PSD3: variants seen among roughly 807,000 people sequenced by gnomAD.
The protein encoded by PSD3 is pleckstrin and Sec7 domain containing 3, also known as PH and SEC7 domain-containing protein 3.
In PSD3, 49 loss-of-function variants were observed where a neutral mutation model predicts 105.5. The ratio of observed to expected loss-of-function variants is 0.46; its 90% confidence interval spans 0.37 to 0.59. PSD3 has a LOEUF of 0.59. Ranked by LOEUF, PSD3 falls within the 20% of genes least tolerant of loss-of-function variation. The pLI, the probability that PSD3 is intolerant of heterozygous loss-of-function variation, is 0.00. For synonymous variants in PSD3, 557 were observed against 457.8 expected, an observed-to-expected ratio of 1.22 and a Z score of -2.77; for missense variants, 1,561 against 1,263.8, an observed-to-expected ratio of 1.24 and a Z score of -3.57.
At chr8:18,908,826 A>T (rs1367744034) in intron 2 of PSD3, among the ~76,000 whole-genome samples, 1 of 152,228 alleles carries the variant, frequency 6.6e-6, no homozygotes, top group African/African-American at 2.4e-5. Flanking sequence ...TTATGTGCAG[A>T]AATTAGTTAA....
chr8:18,550,186 G>T (rs966886262), intron 15 of PSD3, among the ~76,000 whole-genome samples: 1 of 152,176 alleles, frequency 6.6e-6, no homozygotes, highest in African/African-American at 2.4e-5. Flanking sequence ...CACATGATTG[G>T]CTGCTTATTC....
In PSD3 at chr8:18,759,315, T is replaced by C. The variant is rs369742019; in HGVS notation, c.2172+6134A>G. 2.6e-5 allele frequency among the ~76,000 whole-genome samples: 4 copies of C among 152,276 alleles called. No individual in the cohort carries two copies. In the South Asian group the frequency reaches 8.3e-4, roughly 32 times the overall value. On this transcript the variant is annotated intron_variant, in intron 9 of 15. Transcript: ENST00000327040. Reference sequence around the variant, plus strand: ...ATCTGTAAGATTTATTTCCCTACGTTTTTAAATGATTTCCAGTGACACTGT... The same window carrying C: ...ATCTGTAAGATTTATTTCCCTACGTCTTTAAATGATTTCCAGTGACACTGT...
At chr8:18,875,109 G>T (rs1042411785) in intron 2 of PSD3, among the ~76,000 whole-genome samples, 1 of 152,094 alleles carries the variant, frequency 6.6e-6, no homozygotes, top group Non-Finnish European at 1.5e-5. Flanking sequence ...TGTAGAGATG[G>T]GGTCTCACTG....
intron 15 of PSD3, among the ~76,000 whole-genome samples, chr8:18,542,970 A>G (rs964539358): frequency 6.6e-6 from 1 of 152,198 alleles, no homozygotes; most frequent in African/African-American, 2.4e-5. Context: ...GAATGCTCCA[A>G]CAGGGTAAAT....
intron 3 of PSD3, among the ~76,000 whole-genome samples, chr8:18,870,996 G>A (rs1211718046): frequency 6.6e-6 from 1 of 152,180 alleles, no homozygotes; most frequent in Non-Finnish European, 1.5e-5. Context: ...CTACTCAGAG[G>A]GCTGAGGTGG....
intron 4 of PSD3, among the ~76,000 whole-genome samples, chr8:18,821,647 A>G (rs532574474): frequency 1.3e-5 from 2 of 150,858 alleles, no homozygotes; most frequent in Non-Finnish European, 2.9e-5. Context: ...AATATTAAAT[A>G]GCAATGTCAT....
chr8:18,890,424 T>A (rs2129459533), intron 2 of PSD3, among the ~76,000 whole-genome samples: 1 of 152,258 alleles, frequency 6.6e-6, no homozygotes, highest in Non-Finnish European at 1.5e-5. Flanking sequence ...TCCAAGAAGA[T>A]ATTATGTGAA....
intron 9 of PSD3, among the ~76,000 whole-genome samples, chr8:18,670,901 T>C (rs1171803504): frequency 6.6e-6 from 1 of 152,176 alleles, no homozygotes; most frequent in African/African-American, 2.4e-5. Context: ...TATAATCTTC[T>C]GGACAATTTG....
intron 9 of PSD3, among the ~76,000 whole-genome samples, chr8:18,723,283 T>C (rs746777205): frequency 3.9e-5 from 6 of 152,230 alleles, no homozygotes; most frequent in South Asian, 2.1e-4. Context: ...TGTTACTCTC[T>C]GCATAGAAAG....
intron 1 of PSD3, among the ~76,000 whole-genome samples, chr8:19,012,993 A>G (rs1563509161): frequency 6.6e-6 from 1 of 152,112 alleles, no homozygotes; most frequent in Non-Finnish European, 1.5e-5. Flanking sequence ...CACGTCCTCT[A>G]ATCGGTGTTA....
intron 8 of PSD3, among the ~76,000 whole-genome samples, chr8:18,785,802 AT>A (rs1346186468): frequency 6.6e-6 from 1 of 152,154 alleles, no homozygotes; most frequent in Non-Finnish European, 1.5e-5. Context: ...CCTAATTTCA[AT>A]ACTGTTGTGT....
intron 1 of PSD3, among the ~76,000 whole-genome samples, chr8:18,963,318 T>G (rs1427547105): frequency 6.6e-6 from 1 of 152,118 alleles, no homozygotes; most frequent in Non-Finnish European, 1.5e-5. Context: ...ATATTTCCAT[T>G]TACTAAAAAC....
chr8:18,974,192 G>A (rs1390408945), intron 1 of PSD3, among the ~76,000 whole-genome samples: 2 of 152,196 alleles, frequency 1.3e-5, no homozygotes, highest in Non-Finnish European at 2.9e-5. Context: ...TCAAGCCAAG[G>A]TAGGCATTAT....
chr8:18,776,004 A>G (rs1808031602), intron 8 of PSD3, among the ~76,000 whole-genome samples: 1 of 152,014 alleles, frequency 6.6e-6, no homozygotes, highest in East Asian at 1.9e-4. Flanking sequence ...CTTTAATCCA[A>G]GTTGAGGTGA....
At chr8:18,687,009 T>C (rs1800695342) in intron 9 of PSD3, among the ~76,000 whole-genome samples, 1 of 152,206 alleles carries the variant, frequency 6.6e-6, no homozygotes, top group South Asian at 2.1e-4. Flanking sequence ...CTTCTGTGAC[T>C]TCAGGGCACT....
intron 2 of PSD3, among the ~76,000 whole-genome samples, chr8:18,879,059 C>CACAA (rs1266718269): frequency 6.7e-6 from 1 of 148,760 alleles, no homozygotes; most frequent in African/African-American, 2.5e-5. Flanking sequence ...CAAACACACA[C>CACAA]ACACACACAC....
In PSD3 at chr8:18,972,707, T is replaced by C. The variant is rs374552708; in HGVS notation, c.22-36565A>G. Among the ~76,000 whole-genome samples the C allele has an allele frequency of 1.3e-3, 201 of 152,312 alleles. 1 individual carries two copies. Among genetic ancestry groups the C allele is most frequent in the African/African-American group, 4.7e-3 (194 of 41,568 alleles). ...TAGGCCAGAAAACTAGGTAACTCTG[T>C]TTACACCATGTAAGGACACATGTAA... On this transcript the variant is annotated intron_variant, in intron 1 of 15. Transcript: ENST00000327040.
At chr8:18,821,863 G>C (rs56149953) in intron 4 of PSD3, among the ~76,000 whole-genome samples, 45,690 of 96,266 alleles carry the variant, frequency 0.47, 7,725 homozygotes, top group East Asian at 0.72. Flanking sequence ...GCACACACAT[G>C]CACACACACC....
At chr8:18,766,922 C>T (rs1807048973) in intron 8 of PSD3, among the ~76,000 whole-genome samples, 2 of 152,186 alleles carry the variant, frequency 1.3e-5, no homozygotes, top group African/African-American at 4.8e-5. Context: ...TACGCCTATC[C>T]CTTTGCACTA....
Sources: allele counts gnomAD v4.1 joint callset (sites outside exome capture counted in the v4.1 genomes callset), GRCh38; gene constraint gnomAD v4.1.1; transcripts MANE v1.5; gene names NCBI Gene and HGNC (gene_info 2026-07-23, HGNC 2026-07-21).